CDH18: variants seen among roughly 807,000 people sequenced by gnomAD.
CDH18 encodes cadherin 18, also known as cadherin-18.
Under a neutral mutation model 67.9 loss-of-function variants are expected in CDH18, and 31 were observed. The observed-to-expected ratio is 0.46, with a 90% CI of 0.34 to 0.62. The LOEUF is 0.62. CDH18 is among the 20% of genes least tolerant of loss of function. The pLI, the probability that CDH18 is intolerant of heterozygous loss-of-function variation, is 0.01. For missense variants in CDH18, 890 were observed against 975.5 expected (o/e 0.91, Z 1.17); for synonymous variants, 362 against 347.2 (o/e 1.04, Z -0.48).
chr5:19,766,895 T>C (rs532332514), intron 3 of CDH18, among the ~76,000 whole-genome samples: 18 of 152,152 alleles, frequency 1.2e-4, no homozygotes, highest in Non-Finnish European at 2.4e-4. Flanking sequence ...ACTTCCCTAT[T>C]ATACTATCTT....
intron 2 of CDH18, among the ~76,000 whole-genome samples, chr5:20,025,954 C>T (rs1176503507): frequency 1.3e-5 from 2 of 152,140 alleles, no homozygotes; most frequent in East Asian, 1.9e-4. Context: ...AAATATCCAC[C>T]GACTACTATG....
intron 2 of CDH18, among the ~76,000 whole-genome samples, chr5:19,949,055 C>T (rs9292815): frequency 0.14 from 20,646 of 151,954 alleles, 4,070 homozygotes; most frequent in African/African-American, 0.44. Flanking sequence ...AAGACAGTAA[C>T]GAATAAAAGT....
chr5:20,490,698 G>C (rs1753537128), intron 1 of CDH18, among the ~76,000 whole-genome samples: 2 of 152,110 alleles, frequency 1.3e-5, no homozygotes, highest in African/African-American at 2.4e-5. Context: ...GTCAAGTTCT[G>C]AATACGCAGT....
At chr5:20,194,566 A>C (rs1462589115) in intron 2 of CDH18, among the ~76,000 whole-genome samples, 2 of 152,132 alleles carry the variant, frequency 1.3e-5, no homozygotes, top group African/African-American at 4.8e-5. Context: ...AGGCTCAAGA[A>C]GAATGAGTGA....
intron 2 of CDH18, among the ~76,000 whole-genome samples, chr5:20,139,197 C>G (rs1201448485): frequency 6.6e-6 from 1 of 151,962 alleles, no homozygotes; most frequent in Non-Finnish European, 1.5e-5. Flanking sequence ...ACAAACCTGA[C>G]AAAAACAAGA....
At chr5:20,409,883 T>C (rs776264133) in intron 1 of CDH18, among the ~76,000 whole-genome samples, 5 of 151,610 alleles carry the variant, frequency 3.3e-5, no homozygotes. Flanking sequence ...AGAAACCAGG[T>C]AAACTAGAAG....
intron 2 of CDH18, among the ~76,000 whole-genome samples, chr5:20,138,149 G>T (rs1209080637): frequency 6.6e-6 from 1 of 151,988 alleles, no homozygotes; most frequent in African/African-American, 2.4e-5. Context: ...GGGATGCAAG[G>T]CTAGTTCAAC....
intron 3 of CDH18, among the ~76,000 whole-genome samples, chr5:19,775,156 C>G (rs1774208652): frequency 6.6e-6 from 1 of 152,116 alleles, no homozygotes; most frequent in South Asian, 2.1e-4. Flanking sequence ...ACTGGAAAAG[C>G]AGGTGGTTTT....
chr5:20,379,358 A>G (rs1262267914), intron 1 of CDH18, among the ~76,000 whole-genome samples: 1 of 152,170 alleles, frequency 6.6e-6, no homozygotes, highest in East Asian at 1.9e-4. Flanking sequence ...TTTACATACA[A>G]TCATACTTAA....
At chr5:19,682,107 A>T (rs1760423077) in intron 5 of CDH18, among the ~76,000 whole-genome samples, 1 of 152,018 alleles carries the variant, frequency 6.6e-6, no homozygotes, top group Non-Finnish European at 1.5e-5. Flanking sequence ...CTCTTTATTT[A>T]AGCCTTTATT....
chr5:20,475,110 A>G lies in CDH18; in HGVS notation c.-580+100352T>C, dbSNP rs577170662. On this transcript the variant is annotated intron_variant, in intron 1 of 14. Coordinates refer to the CDH18 transcript ENST00000507958. ...CAAAATCCATTAAAATTCTAATTAT[A>G]CTAAAATTCAATGTTTAAAATAATT... is the stretch of plus-strand genomic sequence containing the variant. 2.8e-4 allele frequency among the ~76,000 whole-genome samples: 43 copies of G among 152,314 alleles called. 1 individual carries two copies. The South Asian group carries it at 8.7e-3, about 31-fold the overall frequency.
chr5:20,386,447 T>G (rs1473938790), intron 1 of CDH18, among the ~76,000 whole-genome samples: 1 of 152,176 alleles, frequency 6.6e-6, no homozygotes, highest in Non-Finnish European at 1.5e-5. Flanking sequence ...TCCACAATTT[T>G]GCCATATGTG....
intron 2 of CDH18, among the ~76,000 whole-genome samples, chr5:19,968,679 T>C (rs1276918415): frequency 2.8e-5 from 4 of 143,650 alleles, no homozygotes; most frequent in African/African-American, 1.2e-4. Flanking sequence ...TTACACCTTA[T>C]ATAAAAATTA....
chr5:20,356,665 A>G (rs192729855), intron 1 of CDH18, among the ~76,000 whole-genome samples: 10 of 151,460 alleles, frequency 6.6e-5, no homozygotes, highest in Admixed American at 2.6e-4. Context: ...AAGAGAACAG[A>G]GCAGGAGATA....
At chr5:20,495,703 C>T (rs538818206) in intron 1 of CDH18, among the ~76,000 whole-genome samples, 22 of 152,086 alleles carry the variant, frequency 1.4e-4, no homozygotes, top group African/African-American at 5.1e-4. Flanking sequence ...ATACTGTTGG[C>T]ATAATCTCTG....
chr5:19,917,731 G>T (rs923402204), intron 2 of CDH18, among the ~76,000 whole-genome samples: 5 of 152,086 alleles, frequency 3.3e-5, no homozygotes, highest in South Asian at 2.1e-4. Context: ...GTAGAGCATT[G>T]CATTATTTAT....
At chr5:20,239,299 C>CA (rs927662733) in intron 2 of CDH18, among the ~76,000 whole-genome samples, 15 of 151,778 alleles carry the variant, frequency 9.9e-5, no homozygotes, top group Non-Finnish European at 2.1e-4. Flanking sequence ...TACTAAAATA[C>CA]AAAAAAACTA....
intron 1 of CDH18, among the ~76,000 whole-genome samples, chr5:20,391,573 G>T (rs1744864727): frequency 6.6e-6 from 1 of 151,942 alleles, no homozygotes; most frequent in South Asian, 2.1e-4. Flanking sequence ...AGTATAATCA[G>T]CTGTGAGATT....
intron 5 of CDH18, among the ~76,000 whole-genome samples, chr5:19,707,213 C>T (rs115721459): frequency 7.7e-4 from 117 of 152,168 alleles, no homozygotes; most frequent in African/African-American, 2.6e-3. Flanking sequence ...CTGAGGAGGA[C>T]CCCAACTGTC....
Sources: allele counts gnomAD v4.1 joint callset (sites outside exome capture counted in the v4.1 genomes callset), GRCh38; gene constraint gnomAD v4.1.1; transcripts MANE v1.5; gene names NCBI Gene and HGNC (gene_info 2026-07-23, HGNC 2026-07-21).